The following MAGI2 variants were observed in gnomAD, a reference collection of about 807,000 sequenced individuals.
MAGI2 encodes membrane associated guanylate kinase, WW and PDZ domain containing 2, also known as membrane-associated guanylate kinase, WW and PDZ domain-containing protein 2.
Under a neutral mutation model 133.3 loss-of-function variants are expected in MAGI2, and 35 were observed. The observed-to-expected ratio is 0.26, with a 90% CI of 0.20 to 0.35. The LOEUF (loss-of-function observed/expected upper bound fraction) is 0.35. Among genes scored for constraint, MAGI2 ranks in the 10% least tolerant of loss-of-function variants. The pLI, the probability that MAGI2 is intolerant of heterozygous loss-of-function variation, is 1.00. For missense variants in MAGI2, 1,636 were observed against 1,863.4 expected, an observed-to-expected ratio of 0.88 and a Z score of 2.25; for synonymous variants, 729 against 710.6, an observed-to-expected ratio of 1.03 and a Z score of -0.41.
At chr7:78,892,961 A>T (rs968969059) in intron 2 of MAGI2, among the ~76,000 whole-genome samples, 3 of 152,212 alleles carry the variant, frequency 2.0e-5, no homozygotes, top group African/African-American at 7.2e-5. Flanking sequence ...AATGGGAGAA[A>T]ATTTTCACAA....
intron 10 of MAGI2, among the ~76,000 whole-genome samples, chr7:78,223,855 A>G (rs1385611185): frequency 6.6e-6 from 1 of 152,040 alleles, no homozygotes; most frequent in East Asian, 1.9e-4. Context: ...TATCACTATT[A>G]TATTCATCAT....
chr7:78,526,071 G>A (rs1022668399), intron 3 of MAGI2, among the ~76,000 whole-genome samples: 8 of 152,150 alleles, frequency 5.3e-5, no homozygotes, highest in East Asian at 1.9e-4. Context: ...AGACTAAGAC[G>A]TTAAACTATT....
chr7:78,046,770 A>G lies in MAGI2; in HGVS notation c.3707-26794T>C, dbSNP rs1016596138. Among the ~76,000 whole-genome samples the G allele has an allele frequency of 5.9e-5, 9 of 152,360 alleles. No individual in the cohort carries two copies. The East Asian group carries it at 1.5e-3, about 26-fold the overall frequency. On this transcript the variant is annotated intron_variant, in intron 21 of 21. Transcript: ENST00000354212. ...TACCCTTATTTGCAGATCAGGGAAG[A>G]ACTAAATCAAAAGCTGTAATTAAAA...
chr7:78,397,214 A>G (rs1293169609), intron 6 of MAGI2, among the ~76,000 whole-genome samples: 3 of 152,134 alleles, frequency 2.0e-5, no homozygotes, highest in African/African-American at 7.2e-5. Flanking sequence ...GAGGAATGGT[A>G]AACTGCTCTG....
intron 2 of MAGI2, among the ~76,000 whole-genome samples, chr7:78,895,780 C>G (rs2151581326): frequency 6.6e-6 from 1 of 152,268 alleles, no homozygotes; most frequent in Middle Eastern, 3.4e-3. Context: ...AGAAACATCA[C>G]TGTGGAAATC....
At chr7:78,170,032 C>A (rs891809185) in intron 14 of MAGI2, among the ~76,000 whole-genome samples, 8 of 152,162 alleles carry the variant, frequency 5.3e-5, no homozygotes, top group Admixed American at 3.9e-4. Flanking sequence ...TGAAAAGGTG[C>A]GTTTAGTTGG....
intron 1 of MAGI2, among the ~76,000 whole-genome samples, chr7:79,361,000 G>C (rs574320707): frequency 1.3e-5 from 2 of 152,136 alleles, no homozygotes; most frequent in East Asian, 1.9e-4. Context: ...AACATAGATA[G>C]ATGAAAGTAA....
At chr7:79,144,904 G>A (rs796995579) in intron 1 of MAGI2, among the ~76,000 whole-genome samples, 2 of 152,142 alleles carry the variant, frequency 1.3e-5, no homozygotes, top group Non-Finnish European at 2.9e-5. Context: ...TATTACGGGT[G>A]ACAATTTATC....
chr7:78,213,833 A>C (rs1788006938), intron 10 of MAGI2, among the ~76,000 whole-genome samples: 1 of 152,198 alleles, frequency 6.6e-6, no homozygotes, highest in Non-Finnish European at 1.5e-5. Context: ...TTCTTTGCTC[A>C]AACTCTGTCA....
intron 2 of MAGI2, among the ~76,000 whole-genome samples, chr7:78,911,275 C>A (rs1798378896): frequency 6.6e-6 from 1 of 151,952 alleles, no homozygotes; most frequent in Non-Finnish European, 1.5e-5. Context: ...TAAAAAGTCA[C>A]AAATTGATTG....
intron 14 of MAGI2, among the ~76,000 whole-genome samples, chr7:78,173,278 G>A (rs548394447): frequency 2.0e-5 from 3 of 152,300 alleles, no homozygotes; most frequent in African/African-American, 4.8e-5. Flanking sequence ...GCTTCATTTC[G>A]TACAGGACAT....
intron 3 of MAGI2, among the ~76,000 whole-genome samples, chr7:78,555,608 C>T (rs1799756829): frequency 6.6e-6 from 1 of 152,104 alleles, no homozygotes; most frequent in African/African-American, 2.4e-5. Flanking sequence ...GGCTTATTGT[C>T]TGCACTTGGG....
At chr7:78,846,729 A>G (rs1242729906) in intron 2 of MAGI2, among the ~76,000 whole-genome samples, 1 of 152,000 alleles carries the variant, frequency 6.6e-6, no homozygotes, top group Non-Finnish European at 1.5e-5. Context: ...GATATAATTT[A>G]CAAGATGGTC....
intron 3 of MAGI2, chr7:78,615,417 T>G (rs949509607): frequency 2.6e-5 from 4 of 152,192 alleles, no homozygotes; most frequent in African/African-American, 9.7e-5. Context: ...AAAAAGGTGT[T>G]CTCTGGAAGT....
At chr7:79,232,629 C>T (rs1386859224) in intron 1 of MAGI2, among the ~76,000 whole-genome samples, 6 of 85,232 alleles carry the variant, frequency 7.0e-5, no homozygotes, top group African/African-American at 2.4e-4. Flanking sequence ...TCTGTGGGAT[C>T]GGTGGTGATA....
At chr7:78,830,597 C>T (rs1791058415) in intron 2 of MAGI2, among the ~76,000 whole-genome samples, 1 of 151,980 alleles carries the variant, frequency 6.6e-6, no homozygotes, top group South Asian at 2.1e-4. Flanking sequence ...TTTTAGTTTT[C>T]CTGTGATTTT....
intron 3 of MAGI2, among the ~76,000 whole-genome samples, chr7:78,623,855 A>G (rs1234124111): frequency 6.6e-6 from 1 of 152,154 alleles, no homozygotes; most frequent in East Asian, 1.9e-4. Flanking sequence ...GGAGCTGAAA[A>G]ATTCTTATTG....
chr7:79,346,818 A>G (rs1218102025), intron 1 of MAGI2, among the ~76,000 whole-genome samples: 1 of 151,976 alleles, frequency 6.6e-6, no homozygotes, highest in Non-Finnish European at 1.5e-5. Context: ...CTCCTTTTGC[A>G]TTCTTAGAGC....
At chr7:79,405,129 G>T (rs776423633) in intron 1 of MAGI2, among the ~76,000 whole-genome samples, 4 of 152,086 alleles carry the variant, frequency 2.6e-5, no homozygotes, top group African/African-American at 4.8e-5. Context: ...AGCCTTCCTA[G>T]TAATTGGAAA....
Sources: gnomAD v4.1 joint callset for allele counts (sites outside exome capture counted in the v4.1 genomes callset) on GRCh38, gnomAD v4.1.1 for gene constraint, MANE v1.5 for transcripts, NCBI Gene and HGNC (gene_info 2026-07-23, HGNC 2026-07-21) for gene names.